Variants in CRISP1 observed in about 807,000 individuals in gnomAD.
CRISP1 encodes cysteine-rich secretory protein 1.
In CRISP1, 44 loss-of-function variants were observed where a neutral mutation model predicts 33.1. The observed-to-expected ratio is 1.33, with a 90% CI of 1.05 to 1.71. The LOEUF (loss-of-function observed/expected upper bound fraction) is 1.71. Ranked by LOEUF, CRISP1 falls within the 40% of genes most tolerant of loss-of-function variation. The probability of loss-of-function intolerance (pLI) is 0.00; values close to 1 mark genes in which losing one functional copy is unlikely to be tolerated. For missense variants in CRISP1, 390 were observed against 301.2 expected (o/e 1.29, Z -2.18); for synonymous variants, 103 against 98.7 (o/e 1.04, Z -0.26).
At chr6:49,862,827 A>C (rs1771689016) in intron 1 of CRISP1, among the ~76,000 whole-genome samples, 2 of 149,556 alleles carry the variant, frequency 1.3e-5, no homozygotes, top group Non-Finnish European at 1.5e-5. Context: ...AAAAAAAAAA[A>C]CAAAACAAAA....
chr6:49,835,576 C>G, intron 7 of CRISP1, 133 bp from the exon 8 acceptor site: 2 of 808,038 alleles, frequency 2.5e-6, no homozygotes, highest in Non-Finnish European at 3.7e-6. Flanking sequence ...TTAGCATAAG[C>G]TAACTAAATC....
upstream of CRISP1, among the ~76,000 whole-genome samples, chr6:49,869,096 T>C (rs1190782693): frequency 2.6e-5 from 4 of 152,182 alleles, no homozygotes; most frequent in Admixed American, 2.0e-4. Context: ...GCAATAAATG[T>C]GGTCTCTTGG....
At chr6:49,836,634 C>T (rs1165319029) in intron 7 of CRISP1, among the ~76,000 whole-genome samples, 1 of 152,070 alleles carries the variant, frequency 6.6e-6, no homozygotes, top group Non-Finnish European at 1.5e-5. Flanking sequence ...CCACCGCGCC[C>T]GGCCTACAAA....
Position 49,846,637 on chromosome 6 carries a change from T to C in CRISP1, c.318A>G (p.Thr106=). ...NTFCGENMHM[T]SYPVSWSSVI... ...CACTTGACCATGATACAGGATAAGA[T>C]GTCATATGCATATTTTCTCCACAAA... Residue 106 remains threonine, a synonymous_variant, in exon 5 of 8, where the codon ACA becomes ACG. Transcript: ENST00000335847. 3 of 1,613,478 alleles carry C rather than the reference T, an allele frequency of 1.9e-6. No homozygotes were observed. The highest frequency in any genetic ancestry group is 2.5e-6 in the Non-Finnish European group (3 of 1,179,642).
chr6:49,838,288 A>G, intron 7 of CRISP1, 149 bp downstream of exon 7: 1 of 625,504 alleles, frequency 1.6e-6, no homozygotes, highest in Non-Finnish European at 2.8e-6. Context: ...TCACTCTGGC[A>G]ATTGGGGAGG....
At chr6:49,856,535 CA>C (rs570065941) in intron 2 of CRISP1, among the ~76,000 whole-genome samples, 2 of 152,174 alleles carry the variant, frequency 1.3e-5, no homozygotes, top group South Asian at 4.2e-4. Context: ...TAATAGGAAC[CA>C]AATACCAAAC....
At chr6:49,846,443 C>T in intron 5 of CRISP1, 77 bp downstream of exon 5, 1 of 1,413,938 alleles carries the variant, frequency 7.1e-7, no homozygotes, top group Non-Finnish European at 9.7e-7. Context: ...GAATGATTTT[C>T]AGTTGTTTCT....
At chr6:49,869,550 C>T (rs907258107), upstream of CRISP1, among the ~76,000 whole-genome samples, 1 of 152,144 alleles carries the variant, frequency 6.6e-6, no homozygotes, top group Non-Finnish European at 1.5e-5. Context: ...TCATACACTC[C>T]TACCCCTAAC....
At chr6:49,842,083 T>A (rs780259392) in intron 5 of CRISP1, among the ~76,000 whole-genome samples, 2 of 152,192 alleles carry the variant, frequency 1.3e-5, no homozygotes, top group Non-Finnish European at 2.9e-5. Flanking sequence ...AAAATATTGT[T>A]TTCTCTTTAC....
chr6:49,846,172 T>G (rs2127472005), intron 5 of CRISP1, among the ~76,000 whole-genome samples: 1 of 152,324 alleles, frequency 6.6e-6, no homozygotes, highest in African/African-American at 2.4e-5. Flanking sequence ...ATGTATATCT[T>G]ACCACAATAA....
chr6:49,851,921 AAGTGCAT>A, intron 3 of CRISP1, 73 bp downstream of exon 3: 1 of 1,469,122 alleles, frequency 6.8e-7, no homozygotes, highest in Non-Finnish European at 9.1e-7. Context: ...AGCACTTTGA[AAGTGCAT>A]AGAACTTAAT....
At position 49,838,524 on chromosome 6, in the gene CRISP1, C is replaced by T. The variant is rs911719562; in HGVS notation, c.535G>A (p.Gly179Arg). The T allele has an allele frequency of 1.2e-5, 19 of 1,607,712 alleles. No individual in the cohort carries two copies. The highest frequency in any genetic ancestry group is 2.2e-5 in the South Asian group (2 of 89,710). ...YLYVCHYCHE[G>R]NDPETKNEPY... ...TCATTCTTTGTTTCAGGATCATTTC[C>T]CCTTGAATAAAAAAAAGTGATTTCA... The change falls in exon 7 of 8, where the codon GGA (glycine) becomes AGA (arginine). Residue 179 changes from glycine (G) to arginine (R), a missense_variant and splice_region_variant. Transcript: ENST00000335847.
In CRISP1 at chr6:49,834,413, T is replaced by C. The variant is rs1300243093; in HGVS notation, c.*903A>G. Reference sequence around the variant, plus strand: ...CCTTCAATATTCCCTAAGGCTTCAGTGCATTTTACGTTAGTTGGCCTTAAC... The same window carrying C: ...CCTTCAATATTCCCTAAGGCTTCAGCGCATTTTACGTTAGTTGGCCTTAAC... On this transcript the variant is annotated 3_prime_UTR_variant, in exon 8 of 8. Coordinates refer to ENST00000335847, the MANE Select transcript of CRISP1 (RefSeq NM_001131.3). 1 of 152,164 alleles carries C rather than the reference T, an allele frequency of 6.6e-6. No homozygotes were observed. The highest frequency in any genetic ancestry group is 1.5e-5 in the Non-Finnish European group (1 of 68,016). 9.4% of individuals were successfully genotyped at this position (152,164 alleles called of 1,614,324 possible).
At chr6:49,869,961 G>A (rs985763534), upstream of CRISP1, among the ~76,000 whole-genome samples, 1 of 152,258 alleles carries the variant, frequency 6.6e-6, no homozygotes, top group Non-Finnish European at 1.5e-5. Context: ...GCAGCTAGAA[G>A]GTGCCATCTA....
chr6:49,860,856 C>T (rs1561948593), intron 1 of CRISP1, among the ~76,000 whole-genome samples: 1 of 151,526 alleles, frequency 6.6e-6, no homozygotes. Flanking sequence ...GACCAATAGG[C>T]CGAGTAACCA....
rs1770744985 is a variant in CRISP1 at position 49,835,169 on chromosome 6, G to A, written c.*147C>T. 1 of 749,998 alleles carries A rather than the reference G, an allele frequency of 1.3e-6. No homozygotes were observed. Among genetic ancestry groups the A allele is most frequent in the African/African-American group, 1.8e-5 (1 of 56,090 alleles). The allele number at this position is 749,998 out of a possible 1,614,324, so 46.5% of individuals were successfully genotyped here. A position where few individuals can be genotyped will look rare whatever the true frequency, so the allele number is the denominator to read the frequency against. On this transcript the variant is annotated 3_prime_UTR_variant, in exon 8 of 8. Coordinates refer to ENST00000335847, the MANE Select transcript of CRISP1 (RefSeq NM_001131.3). ...AAAGTTTAAAACAGTGTTACTTCAG[G>A]ATGTATCAGGATGGGAGTTAAGGTC...
intron 7 of CRISP1, among the ~76,000 whole-genome samples, chr6:49,837,775 C>T (rs982920593): frequency 2.0e-5 from 3 of 151,528 alleles, no homozygotes; most frequent in South Asian, 2.1e-4. Context: ...AAGATTATTC[C>T]TAGAAATTAA....
chr6:49,857,548 T>A, intron 1 of CRISP1, 146 bp from the exon 2 acceptor site: 2 of 650,672 alleles, frequency 3.1e-6, no homozygotes, highest in South Asian at 3.8e-5. Context: ...AATGTGTTAG[T>A]CATTGGGATC....
chr6:49,871,535 G>A (rs1390964521), upstream of CRISP1, among the ~76,000 whole-genome samples: 4 of 145,466 alleles, frequency 2.7e-5, no homozygotes, highest in Non-Finnish European at 4.5e-5. Flanking sequence ...TAAGCCAAAT[G>A]CTATCCCTCC....
Sources: allele counts gnomAD v4.1 joint callset (sites outside exome capture counted in the v4.1 genomes callset), GRCh38; gene constraint gnomAD v4.1.1; transcripts MANE v1.5; gene names NCBI Gene and HGNC (gene_info 2026-07-23, HGNC 2026-07-21).